The following WDR27 variants were observed in gnomAD, a reference collection of about 807,000 sequenced individuals.
WDR27 encodes WD repeat-containing protein 27.
WDR27 carries 100 observed loss-of-function variants against 114.4 expected under a neutral mutation model. The observed-to-expected ratio is 0.87, with a 90% CI of 0.74 to 1.03. The LOEUF (loss-of-function observed/expected upper bound fraction) is 1.03. WDR27 is among the 50% of genes least tolerant of loss of function. WDR27 has a pLI of 0.00. For missense variants in WDR27, 1,129 were observed against 1,092.9 expected (o/e 1.03, Z -0.47); for synonymous variants, 449 against 423.1 (o/e 1.06, Z -0.75).
At chr6:169,680,647 A>C (rs1781272356) in intron 2 of WDR27, among the ~76,000 whole-genome samples, 1 of 152,236 alleles carries the variant, frequency 6.6e-6, no homozygotes, top group Non-Finnish European at 1.5e-5. Flanking sequence ...AATGTTTAAC[A>C]AAAGTAATAA....
chr6:169,442,872 C>T, the WDR27 span, among the ~76,000 whole-genome samples: 1 of 152,174 alleles, frequency 6.6e-6, no homozygotes, highest in African/African-American at 2.4e-5. Flanking sequence ...AGGCCACCAC[C>T]ACCCCCACAC....
chr6:169,618,619 G>C (rs1218401284), intron 21 of WDR27, among the ~76,000 whole-genome samples: 1 of 98,010 alleles, frequency 1.0e-5, no homozygotes, highest in Admixed American at 1.7e-4. Flanking sequence ...GGTGCACTTG[G>C]ATGACTGCAA....
At chr6:169,622,251 G>A (rs771972424) in intron 21 of WDR27, among the ~76,000 whole-genome samples, 3 of 152,126 alleles carry the variant, frequency 2.0e-5, no homozygotes, top group African/African-American at 4.8e-5. Flanking sequence ...TCCCTAGAAC[G>A]TGTGAAATCA....
At chr6:169,686,905 A>C (rs978336049) in intron 2 of WDR27, among the ~76,000 whole-genome samples, 1 of 152,128 alleles carries the variant, frequency 6.6e-6, no homozygotes, top group African/African-American at 2.4e-5. Context: ...GACAAATATC[A>C]CATGTTCTTA....
intron 2 of WDR27, among the ~76,000 whole-genome samples, chr6:169,680,765 T>C (rs1452216787): frequency 2.6e-5 from 4 of 151,856 alleles, no homozygotes; most frequent in East Asian, 1.9e-4. Flanking sequence ...TTAACGAAAA[T>C]AGAAAGTAGC....
intron 2 of WDR27, among the ~76,000 whole-genome samples, chr6:169,676,400 C>G (rs569439622): frequency 6.6e-6 from 1 of 152,174 alleles, no homozygotes; most frequent in South Asian, 2.1e-4. Flanking sequence ...CATCACATGA[C>G]AGATAAAGAA....
At chr6:169,667,866 T>A in intron 5 of WDR27, 116 bp downstream of exon 5, 1 of 1,023,794 alleles carries the variant, frequency 9.8e-7, no homozygotes, top group South Asian at 1.7e-5. Flanking sequence ...AGAAGTGAGG[T>A]AGAAACAACA....
At chr6:169,643,863 C>T (rs1263128809) in intron 16 of WDR27, 77 bp from the exon 17 acceptor site, 21 of 1,130,884 alleles carry the variant, frequency 1.9e-5, no homozygotes, top group Non-Finnish European at 2.6e-5. Flanking sequence ...AAGCCTAGTT[C>T]ACAGGAGTCA....
intron 21 of WDR27, among the ~76,000 whole-genome samples, chr6:169,615,923 G>A (rs1031008977): frequency 6.8e-5 from 10 of 147,634 alleles, no homozygotes; most frequent in Non-Finnish European, 5.9e-5. Flanking sequence ...AGGAACTTAC[G>A]CTGGATTTTA....
the WDR27 span, among the ~76,000 whole-genome samples, chr6:169,436,423 T>C: frequency 6.6e-6 from 1 of 152,116 alleles, no homozygotes; most frequent in Admixed American, 6.5e-5. Flanking sequence ...ACTAGTTTAA[T>C]ATTATTGGTT....
chr6:169,696,951 C>T (rs1048722173), intron 1 of WDR27, among the ~76,000 whole-genome samples: 3 of 152,112 alleles, frequency 2.0e-5, no homozygotes, highest in Admixed American at 6.5e-5. Flanking sequence ...AAACCTATCT[C>T]CTGACACCCA....
Position 169,457,641 on chromosome 6 carries a change from T to A in WDR27, c.2646-7A>T. 1 of 1,550,556 alleles carries A rather than the reference T, an allele frequency of 6.4e-7. No homozygotes were observed. Among genetic ancestry groups the A allele is most frequent in the Non-Finnish European group, 8.7e-7 (1 of 1,146,166 alleles). On this transcript the variant is annotated splice_region_variant and splice_polypyrimidine_tract_variant and intron_variant, in intron 25 of 25. Transcript: ENST00000448612. ...CCAAGGTAGCTGTGGCAAGCTGTAA[T>A]TGAAAATAAAATACCATGTAATTCC...
At chr6:169,507,078 A>G (rs1180326406) in intron 25 of WDR27, among the ~76,000 whole-genome samples, 1 of 152,242 alleles carries the variant, frequency 6.6e-6, no homozygotes, top group Non-Finnish European at 1.5e-5. Context: ...TGTTTTAGAA[A>G]TAAAATATTT....
At chr6:169,620,678 C>T (rs1812900528) in intron 21 of WDR27, among the ~76,000 whole-genome samples, 1 of 152,180 alleles carries the variant, frequency 6.6e-6, no homozygotes, top group Non-Finnish European at 1.5e-5. Flanking sequence ...CCAAGCGGTG[C>T]CCCGACCACC....
chr6:169,609,186 C>T (rs1028949319), intron 22 of WDR27, among the ~76,000 whole-genome samples: 1 of 152,092 alleles, frequency 6.6e-6, no homozygotes, highest in Non-Finnish European at 1.5e-5. Context: ...CTTTTCCGTG[C>T]TCATGGTGCA....
At chr6:169,579,470 C>T (rs1033662552) in intron 24 of WDR27, among the ~76,000 whole-genome samples, 1 of 152,190 alleles carries the variant, frequency 6.6e-6, no homozygotes, top group Non-Finnish European at 1.5e-5. Context: ...GAGCCTGGGT[C>T]ATGACCCTGC....
chr6:169,672,349 A>T lies in WDR27; in HGVS notation c.237T>A (p.Phe79Leu), dbSNP rs1168198908. The change falls in exon 3 of 26, where the codon TTT (phenylalanine) becomes TTA (leucine). Residue 79 changes from phenylalanine to leucine, a missense_variant. Transcript: ENST00000448612. The part of the protein sequence containing the change: ...GHHQPITAMA[F>L]GNKVNPLLIC... ...TTAGAAGTGGGTTCACTTTATTTCC[A>T]AAAGCCATAGCAGTAATTGGCTGAT... 1 of 1,612,096 alleles carries T rather than the reference A, an allele frequency of 6.2e-7. No homozygotes were observed.
chr6:169,624,826 T>G (rs1191814995), intron 21 of WDR27, among the ~76,000 whole-genome samples: 2 of 151,934 alleles, frequency 1.3e-5, no homozygotes, highest in African/African-American at 4.8e-5. Flanking sequence ...GATGAAAAAT[T>G]CGAGATGTGT....
At position 169,691,576 on chromosome 6, in the gene WDR27, T is replaced by C. The variant is rs183597219; in HGVS notation, c.-7-2564A>G. On this transcript the variant is annotated intron_variant, in intron 1 of 25. Coordinates refer to ENST00000448612, the MANE Select transcript of WDR27 (RefSeq NM_182552.5). ...AGACAGATGAAGAATACATAAAAAA[T>C]TATAGTTGTTTCAAAAATGCTAATA... Among the ~76,000 whole-genome samples the C allele has an allele frequency of 1.7e-3, 255 of 152,316 alleles. 2 individuals carry two copies. The highest frequency in any genetic ancestry group is 5.4e-3 in the African/African-American group (223 of 41,560).
Sources: gnomAD v4.1 joint callset for allele counts (sites outside exome capture counted in the v4.1 genomes callset) on GRCh38, gnomAD v4.1.1 for gene constraint, MANE v1.5 for transcripts, NCBI Gene and HGNC (gene_info 2026-07-23, HGNC 2026-07-21) for gene names.